SGTB: variants seen among roughly 807,000 people sequenced by gnomAD.
SGTB encodes the protein small glutamine-rich tetratricopeptide repeat-containing protein beta.
In SGTB, 19 loss-of-function variants were observed where a neutral mutation model predicts 43.9. The observed-to-expected ratio is 0.43, with a 90% confidence interval of 0.30 to 0.63. The LOEUF (loss-of-function observed/expected upper bound fraction) is 0.63. SGTB is among the 30% of genes least tolerant of loss of function. SGTB has a pLI of 0.12. For synonymous variants in SGTB, 116 were observed against 117.3 expected (o/e 0.99, Z 0.07); for missense variants, 304 against 358.9 (o/e 0.85, Z 1.24).
chr5:65,700,162 T>A (rs1757784963), intron 5 of SGTB, among the ~76,000 whole-genome samples: 1 of 152,228 alleles, frequency 6.6e-6, no homozygotes, highest in South Asian at 2.1e-4. Flanking sequence ...CTTACAAGAC[T>A]GTTGGTCTAG....
chr5:65,699,599 A>T (rs534223856), intron 5 of SGTB, among the ~76,000 whole-genome samples: 16 of 152,318 alleles, frequency 1.1e-4, no homozygotes, highest in African/African-American at 3.6e-4. Flanking sequence ...CTTCTCTATT[A>T]TAGTTCCAGT....
intron 4 of SGTB, among the ~76,000 whole-genome samples, chr5:65,706,129 T>A (rs1425930224): frequency 2.6e-5 from 4 of 152,172 alleles, no homozygotes; most frequent in African/African-American, 7.2e-5. Context: ...TTTAAAGAAG[T>A]AAATTGTATG....
At chr5:65,722,484 C>T, upstream of SGTB, 1 of 1,371,088 alleles carries the variant, frequency 7.3e-7, no homozygotes, top group Non-Finnish European at 1.0e-6. Flanking sequence ...GTGCCTGGAG[C>T]CCGGACCCAC....
At position 65,711,885 on chromosome 5, in the gene SGTB, A is replaced by T. The variant is rs1004461546; in HGVS notation, c.204+1076T>A. On this transcript the variant is annotated intron_variant, in intron 3 of 10. Coordinates refer to ENST00000381007, the MANE Select transcript of SGTB (RefSeq NM_019072.3). ...TTTCAGCTTCACTCCAGAATTCTTCATTATATACTAAAGCTCAAGTACGGA... is the reference window on the plus strand; with the variant it reads ...TTTCAGCTTCACTCCAGAATTCTTCTTTATATACTAAAGCTCAAGTACGGA... Among the ~76,000 whole-genome samples the T allele has an allele frequency of 2.0e-5, 3 of 152,202 alleles. No individual in the cohort carries two copies. The South Asian group carries it at 6.2e-4, about 31-fold the overall frequency.
intron 3 of SGTB, among the ~76,000 whole-genome samples, chr5:65,711,102 C>A (rs903901760): frequency 1.3e-4 from 19 of 151,872 alleles, no homozygotes; most frequent in African/African-American, 4.3e-4. Context: ...GAGGCAGAGG[C>A]TACAGTGAGC....
Position 65,680,699 on chromosome 5 carries a change from T to A in SGTB, c.575A>T (p.Asn192Ile). The A allele has an allele frequency of 6.2e-7, 1 of 1,614,130 alleles. No individual in the cohort carries two copies. Among genetic ancestry groups the A allele is most frequent in the Non-Finnish European group, 8.5e-7 (1 of 1,180,008 alleles). Residue 192 changes from asparagine (N) to isoleucine (I), a missense_variant, in exon 7 of 11, where the codon AAT (asparagine) becomes ATT (isoleucine). Transcript: ENST00000381007. ...LDPENDSYKS[N>I]LKIAEQKLRE... ...TAACTTCTGTTCTGCTATTTTCAGA[T>A]TTGACTTATAGGAATCATTTTCAGG...
intron 5 of SGTB, among the ~76,000 whole-genome samples, chr5:65,702,834 AT>A (rs1393042034): frequency 1.3e-5 from 2 of 152,370 alleles, no homozygotes; most frequent in African/African-American, 4.8e-5. Flanking sequence ...CATTTGAAAA[AT>A]ATCCAACCTC....
At chr5:65,715,901 C>T (rs1758137790) in intron 2 of SGTB, among the ~76,000 whole-genome samples, 2 of 152,322 alleles carry the variant, frequency 1.3e-5, no homozygotes, top group Admixed American at 1.3e-4. Flanking sequence ...TCCTGAGTAG[C>T]TGGGATTACA....
At chr5:65,678,923 T>C (rs1223548096) in intron 8 of SGTB, among the ~76,000 whole-genome samples, 2 of 152,114 alleles carry the variant, frequency 1.3e-5, no homozygotes, top group East Asian at 3.9e-4. Context: ...ATTCAGGACA[T>C]AGACACAGGC....
At chr5:65,677,078 C>T (rs969637365) in intron 8 of SGTB, among the ~76,000 whole-genome samples, 45 of 150,984 alleles carry the variant, frequency 3.0e-4, no homozygotes, top group Admixed American at 5.9e-4. Context: ...AGACCGCTAG[C>T]TATACTAATG....
chr5:65,673,276 G>C (rs537032206), intron 8 of SGTB, among the ~76,000 whole-genome samples: 97 of 152,262 alleles, frequency 6.4e-4, no homozygotes, highest in African/African-American at 2.3e-3. Flanking sequence ...TTCCTAGCAT[G>C]GGCCTGCTAC....
intron 5 of SGTB, among the ~76,000 whole-genome samples, chr5:65,693,040 A>T (rs968844577): frequency 3.3e-5 from 5 of 152,064 alleles, no homozygotes; most frequent in Non-Finnish European, 7.4e-5. Flanking sequence ...TCCTGTCTAT[A>T]CTAAAAATAC....
At chr5:65,695,411 A>C (rs1248771070) in intron 5 of SGTB, among the ~76,000 whole-genome samples, 1 of 152,232 alleles carries the variant, frequency 6.6e-6, no homozygotes, top group East Asian at 1.9e-4. Context: ...CACAAAAGGA[A>C]CAGGAGAGGC....
At chr5:65,680,106 GTGGGAGCCAAA>G (rs1424607285) in intron 8 of SGTB, among the ~76,000 whole-genome samples, 4 of 152,174 alleles carry the variant, frequency 2.6e-5, no homozygotes, top group Non-Finnish European at 1.5e-5. Flanking sequence ...TCACTTACAA[GTGGGAGCCAAA>G]TGATGAGAAC....
At chr5:65,685,296 C>A (rs1579861828) in intron 6 of SGTB, 72 bp downstream of exon 6, 2 of 1,357,688 alleles carry the variant, frequency 1.5e-6, no homozygotes, top group Non-Finnish European at 2.1e-6. Flanking sequence ...GCAGGAAATT[C>A]AAAACCAAGC....
Position 65,670,224 on chromosome 5 carries a change from T to C in SGTB, c.*22A>G, listed in dbSNP as rs1421076073. 6.2e-7 allele frequency: 1 copy of C among 1,606,520 alleles called. No individual in the cohort carries two copies. The highest frequency in any genetic ancestry group is 8.5e-7 in the Non-Finnish European group (1 of 1,173,202). On this transcript the variant is annotated 3_prime_UTR_variant, in exon 11 of 11. Coordinates refer to ENST00000381007, the MANE Select transcript of SGTB (RefSeq NM_019072.3). ...TCATAGCCATAAACCATTTGTATCT[T>C]GGGCTTGAGCCCCTGGTTAAATCAG...
intron 1 of SGTB, among the ~76,000 whole-genome samples, chr5:65,721,652 T>C (rs1448886436): frequency 3.3e-5 from 5 of 152,326 alleles, no homozygotes; most frequent in Middle Eastern, 3.4e-3. Flanking sequence ...TTAAAGGCGA[T>C]GTCAGCCTCT....
At chr5:65,698,630 T>C (rs967933193) in intron 5 of SGTB, among the ~76,000 whole-genome samples, 1 of 152,116 alleles carries the variant, frequency 6.6e-6, no homozygotes, top group African/African-American at 2.4e-5. Flanking sequence ...ATTTGCAAAC[T>C]GTGCATCCAA....
At chr5:65,681,326 T>C (rs559478066) in intron 6 of SGTB, among the ~76,000 whole-genome samples, 8 of 152,278 alleles carry the variant, frequency 5.3e-5, no homozygotes, top group African/African-American at 1.4e-4. Context: ...AAAATTAGCA[T>C]CCTTTACAAT....
Sources: gnomAD v4.1 joint callset for allele counts (sites outside exome capture counted in the v4.1 genomes callset) on GRCh38, gnomAD v4.1.1 for gene constraint, MANE v1.5 for transcripts, NCBI Gene and HGNC (gene_info 2026-07-23, HGNC 2026-07-21) for gene names.